The following TAF2 variants were observed in gnomAD, a reference collection of about 807,000 sequenced individuals.
The protein encoded by TAF2 is TATA-box binding protein associated factor 2, also known as transcription initiation factor TFIID subunit 2.
Under a neutral mutation model 138.5 loss-of-function variants are expected in TAF2, and 61 were observed. The observed-to-expected ratio is 0.44, with a 90% CI of 0.36 to 0.54. The LOEUF (loss-of-function observed/expected upper bound fraction) is 0.54. TAF2 is among the 20% of genes least tolerant of loss of function. TAF2 has a pLI of 0.00. For synonymous variants in TAF2, 475 were observed against 469.9 expected (o/e 1.01, Z -0.14); for missense variants, 1,090 against 1,427.9 (o/e 0.76, Z 3.81).
chr8:119,751,232 A>G (rs2131024576), intron 22 of TAF2, among the ~76,000 whole-genome samples: 1 of 152,292 alleles, frequency 6.6e-6, no homozygotes, highest in East Asian at 1.9e-4. Context: ...GAGGAAAATT[A>G]TTTCTTTCAG....
At chr8:119,826,141 T>C (rs1217610219) in intron 2 of TAF2, among the ~76,000 whole-genome samples, 1 of 151,606 alleles carries the variant, frequency 6.6e-6, no homozygotes, top group Non-Finnish European at 1.5e-5. Flanking sequence ...GGGATAACAT[T>C]AGAAGAAATA....
chr8:119,737,245 T>G (rs145305633), intron 25 of TAF2, among the ~76,000 whole-genome samples: 1,815 of 152,248 alleles, frequency 0.012, 36 homozygotes, highest in African/African-American at 0.041. Context: ...AAAGAATTAG[T>G]AAGTTTTTTA....
In TAF2 at chr8:119,762,610, T is replaced by C; in HGVS notation, c.2365-2A>G. 1 of 1,610,754 alleles carries C rather than the reference T, an allele frequency of 6.2e-7. No homozygotes were observed. The highest frequency in any genetic ancestry group is 8.5e-7 in the Non-Finnish European group (1 of 1,178,446). On this transcript the variant is annotated splice_acceptor_variant, in intron 18 of 25. Transcript: ENST00000378164. LOFTEE classifies it high-confidence loss of function. ...TGCACGATAATAGTTATCTGAAAAC[T>C]AGGCCAAAGAAAAATTAAGTGAAGA... is the stretch of plus-strand genomic sequence containing the variant.
chr8:119,791,240 AC>A (rs899744189), intron 11 of TAF2, 83 bp downstream of exon 11: 68 of 1,511,936 alleles, frequency 4.5e-5, no homozygotes, highest in Non-Finnish European at 5.2e-5. Flanking sequence ...AGATGTCCTG[AC>A]TCCTATTCTA....
At chr8:119,749,535 T>C (rs992159869) in intron 22 of TAF2, among the ~76,000 whole-genome samples, 1 of 152,320 alleles carries the variant, frequency 6.6e-6, no homozygotes, top group East Asian at 1.9e-4. Flanking sequence ...AGTACATTAG[T>C]ATATTTCACT....
At chr8:119,735,880 A>C (rs919378367) in intron 25 of TAF2, among the ~76,000 whole-genome samples, 2 of 152,230 alleles carry the variant, frequency 1.3e-5, no homozygotes, top group African/African-American at 4.8e-5. Flanking sequence ...AGAAGTAATA[A>C]GAAGCTTTAA....
chr8:119,787,331 T>C (rs1823086729), intron 14 of TAF2, among the ~76,000 whole-genome samples: 1 of 151,780 alleles, frequency 6.6e-6, no homozygotes, highest in African/African-American at 2.4e-5. Flanking sequence ...ATTGTGCACA[T>C]GTACCCTAAA....
chr8:119,821,925 G>A (rs1825826577), intron 2 of TAF2, among the ~76,000 whole-genome samples: 1 of 152,076 alleles, frequency 6.6e-6, no homozygotes, highest in South Asian at 2.1e-4. Flanking sequence ...CCAGTTACTG[G>A]GGAGGCTGAG....
chr8:119,772,316 G>A (rs988735695), intron 18 of TAF2, among the ~76,000 whole-genome samples: 1 of 152,214 alleles, frequency 6.6e-6, no homozygotes, highest in Non-Finnish European at 1.5e-5. Context: ...CATGACTGCA[G>A]TTGGAAGCCA....
chr8:119,743,344 A>G lies in TAF2; in HGVS notation c.3215-688T>C, dbSNP rs1819732666. Among the ~76,000 whole-genome samples the G allele has an allele frequency of 1.3e-5, 2 of 152,118 alleles. 1 individual carries two copies. Among genetic ancestry groups the G allele is most frequent in the South Asian group, 4.1e-4 (2 of 4,832 alleles). On this transcript the variant is annotated intron_variant, in intron 24 of 25. Transcript: ENST00000378164. ...GGATCACATACCTATGTGGAACACT[A>G]TAAAGAAAAGCAACAGAATGAAATT...
chr8:119,831,850 C>T, intron 1 of TAF2, 119 bp from the exon 2 acceptor site: 1 of 681,662 alleles, frequency 1.5e-6, no homozygotes, highest in Non-Finnish European at 2.2e-6. Flanking sequence ...AATTACATGT[C>T]AATATTTCAT....
intron 2 of TAF2, among the ~76,000 whole-genome samples, chr8:119,828,267 G>C (rs568626668): frequency 1.4e-4 from 22 of 152,234 alleles, no homozygotes; most frequent in African/African-American, 5.3e-4. Context: ...CATCCACCAG[G>C]GCACATAACC....
intron 22 of TAF2, among the ~76,000 whole-genome samples, chr8:119,747,504 T>C (rs1440928688): frequency 6.6e-6 from 1 of 152,190 alleles, no homozygotes; most frequent in Non-Finnish European, 1.5e-5. Context: ...AAGTTCAGTT[T>C]CTCCTGGTTG....
chr8:119,816,050 C>CT (rs770573593), intron 3 of TAF2, among the ~76,000 whole-genome samples: 13,271 of 133,882 alleles, frequency 0.099, 876 homozygotes, highest in South Asian at 0.21. Flanking sequence ...CACACTCTTT[C>CT]TTTTTTTTTT....
intron 22 of TAF2, among the ~76,000 whole-genome samples, chr8:119,752,803 T>C (rs1820440772): frequency 6.6e-6 from 1 of 152,228 alleles, no homozygotes; most frequent in South Asian, 2.1e-4. Flanking sequence ...TCAGTAAATT[T>C]TGTAACTATG....
At chr8:119,807,702 TC>T (rs1824760096) in intron 3 of TAF2, among the ~76,000 whole-genome samples, 1 of 152,152 alleles carries the variant, frequency 6.6e-6, no homozygotes, top group Admixed American at 6.5e-5. Context: ...AGGTGGTGGA[TC>T]ACCTGAGACC....
chr8:119,740,737 A>G (rs1027135162), intron 25 of TAF2, among the ~76,000 whole-genome samples: 13 of 151,820 alleles, frequency 8.6e-5, no homozygotes, highest in Non-Finnish European at 8.8e-5. Context: ...TGCATTCAAA[A>G]TTCCAAAATA....
chr8:119,743,052 G>C (rs7016177), intron 24 of TAF2, among the ~76,000 whole-genome samples: 5,840 of 151,660 alleles, frequency 0.039, 174 homozygotes, highest in Non-Finnish European at 0.059. Context: ...CTGGGAAACA[G>C]AGTGAGACTC....
At chr8:119,806,905 A>G (rs1309237170) in intron 3 of TAF2, among the ~76,000 whole-genome samples, 1 of 152,242 alleles carries the variant, frequency 6.6e-6, no homozygotes, top group Non-Finnish European at 1.5e-5. Context: ...ATCTATGAAT[A>G]CAACAGAATA....
Sources: gnomAD v4.1 joint callset for allele counts (sites outside exome capture counted in the v4.1 genomes callset) on GRCh38, gnomAD v4.1.1 for gene constraint, MANE v1.5 for transcripts, NCBI Gene and HGNC (gene_info 2026-07-23, HGNC 2026-07-21) for gene names.